Variants in MLLT3 observed in about 807,000 individuals in gnomAD.
MLLT3 encodes protein AF-9.
Under a neutral mutation model 53.2 loss-of-function variants are expected in MLLT3, and 4 were observed. The observed-to-expected ratio is 0.08, with a 90% confidence interval of 0.04 to 0.17. The LOEUF (loss-of-function observed/expected upper bound fraction) is 0.17. Among genes scored for constraint, MLLT3 ranks in the 10% least tolerant of loss-of-function variants. The pLI is 1.00. For missense variants in MLLT3, 569 were observed against 684.0 expected, an observed-to-expected ratio of 0.83 and a Z score of 1.87; for synonymous variants, 283 against 230.6, an observed-to-expected ratio of 1.23 and a Z score of -2.06.
At chr9:20,508,266 C>T (rs762017699) in intron 2 of MLLT3, among the ~76,000 whole-genome samples, 3 of 152,188 alleles carry the variant, frequency 2.0e-5, no homozygotes, top group Non-Finnish European at 2.9e-5. Flanking sequence ...ACCTCTCACC[C>T]CACATTCCGC....
In MLLT3 at chr9:20,414,357, G is replaced by GCTGCTGCTGCTGCTGCTGCTA. The variant is rs1341415259; in HGVS notation, c.468_488dup (p.Ser184_Ser190dup). ...TGCTGCTGCTGCTACTGCTGCTGCT[G>GCTGCTGCTGCTGCTGCTGCTA]CTGCTGCTGCTGCTGCTGCTACTGC... On this transcript the variant is annotated inframe_insertion, in exon 5 of 11. Coordinates refer to ENST00000380338, the MANE Select transcript of MLLT3 (RefSeq NM_004529.4). 28 of 1,603,652 alleles carry GCTGCTGCTGCTGCTGCTGCTA rather than the reference G, an allele frequency of 1.7e-5. No individual in the cohort carries two copies. The highest frequency in any genetic ancestry group is 5.4e-5 in the African/African-American group (4 of 74,600).
intron 2 of MLLT3, among the ~76,000 whole-genome samples, chr9:20,548,329 TGATGGCTCTC>T: frequency 6.6e-6 from 1 of 152,358 alleles, no homozygotes; most frequent in African/African-American, 2.4e-5. Flanking sequence ...ATTGCGTTTA[TGATGGCTCTC>T]GTAGTATCTA....
At chr9:20,428,139 A>G (rs7041793) in intron 4 of MLLT3, among the ~76,000 whole-genome samples, 24,313 of 152,052 alleles carry the variant, frequency 0.16, 3,315 homozygotes, top group East Asian at 0.66. Context: ...AAAACCCTAA[A>G]TCAGACTTAC....
chr9:20,489,435 T>A (rs1358901486), intron 2 of MLLT3, among the ~76,000 whole-genome samples: 1 of 152,104 alleles, frequency 6.6e-6, no homozygotes, highest in Non-Finnish European at 1.5e-5. Context: ...AAAGGGAGAT[T>A]TAGTCAGATT....
chr9:20,527,194 A>C (rs1185978059), intron 2 of MLLT3, among the ~76,000 whole-genome samples: 1 of 152,166 alleles, frequency 6.6e-6, no homozygotes. Flanking sequence ...TTGTGGACAG[A>C]GAAGAATATA....
intron 5 of MLLT3, among the ~76,000 whole-genome samples, chr9:20,380,881 C>A (rs553422653): frequency 6.6e-6 from 1 of 151,800 alleles, no homozygotes; most frequent in African/African-American, 2.4e-5. Flanking sequence ...ACTAAAAATG[C>A]GAAAGAAAGC....
Position 20,345,488 on chromosome 9 carries a change from C to T in MLLT3, c.*955G>A, listed in dbSNP as rs192218719. 4.9e-6 allele frequency: 1 copy of T among 202,618 alleles called. No homozygotes were observed. Among genetic ancestry groups the T allele is most frequent in the Non-Finnish European group, 1.0e-5 (1 of 99,178 alleles). 12.6% of individuals were successfully genotyped at this position (202,618 alleles called of 1,614,324 possible). A position where few individuals can be genotyped will look rare whatever the true frequency, so the allele number is the denominator to read the frequency against. ...CAGTTTTTTTTTTTAGAAAACAGGA[C>T]CAGAATTCTTTTTTTTTAAATGATG... On this transcript the variant is annotated 3_prime_UTR_variant, in exon 11 of 11. Coordinates refer to ENST00000380338, the MANE Select transcript of MLLT3 (RefSeq NM_004529.4).
At chr9:20,508,333 A>G (rs1324483477) in intron 2 of MLLT3, among the ~76,000 whole-genome samples, 1 of 152,270 alleles carries the variant, frequency 6.6e-6, no homozygotes, top group African/African-American at 2.4e-5. Flanking sequence ...TTTCACAAAC[A>G]CTCTGCATCA....
At chr9:20,588,893 T>C (rs957886031) in intron 2 of MLLT3, among the ~76,000 whole-genome samples, 50 of 151,882 alleles carry the variant, frequency 3.3e-4, no homozygotes, top group African/African-American at 1.2e-3. Flanking sequence ...AGATACCATC[T>C]CACACCAGTT....
chr9:20,502,384 T>C (rs1158149546), intron 2 of MLLT3: 1 of 153,042 alleles, frequency 6.5e-6, no homozygotes, highest in East Asian at 1.9e-4. Context: ...TGTAAGGAGC[T>C]GAATTCTACA....
intron 4 of MLLT3, among the ~76,000 whole-genome samples, chr9:20,441,103 T>G (rs1823538577): frequency 6.6e-6 from 1 of 152,304 alleles, no homozygotes; most frequent in Non-Finnish European, 1.5e-5. Flanking sequence ...CAGTCTTTGC[T>G]TAGTTTATGC....
Position 20,417,203 on chromosome 9 carries a change from A to T in MLLT3, c.421-2778T>A, listed in dbSNP as rs531953793. Reference sequence around the variant, plus strand: ...TATTTATATATATATATTATATATTATATATATATGGGGGTCTTGTCACCA... The same window carrying T: ...TATTTATATATATATATTATATATTTTATATATATGGGGGTCTTGTCACCA... On this transcript the variant is annotated intron_variant, in intron 4 of 10. Coordinates refer to ENST00000380338, the MANE Select transcript of MLLT3 (RefSeq NM_004529.4). Among the ~76,000 whole-genome samples the T allele has an allele frequency of 1.3e-4, 19 of 143,234 alleles. 1 individual carries two copies. Among genetic ancestry groups the T allele is most frequent in the Admixed American group, 6.4e-4 (9 of 14,120 alleles). 94.0% of individuals were successfully genotyped at this position (143,234 alleles called of 152,430 possible). A position where few individuals can be genotyped will look rare whatever the true frequency, so the allele number is the denominator to read the frequency against.
intron 2 of MLLT3, among the ~76,000 whole-genome samples, chr9:20,606,566 T>C (rs1820576756): frequency 6.6e-6 from 1 of 152,286 alleles, no homozygotes; most frequent in Middle Eastern, 3.4e-3. Context: ...AATTTTACTC[T>C]GCACCAATTT....
intron 2 of MLLT3, among the ~76,000 whole-genome samples, chr9:20,568,407 G>A (rs567473739): frequency 1.3e-5 from 2 of 152,252 alleles, no homozygotes; most frequent in African/African-American, 4.8e-5. Flanking sequence ...TCTTAATGGA[G>A]GGATTATGGA....
Position 20,346,319 on chromosome 9 carries a change from C to A in MLLT3, c.*124G>T. 2.1e-6 allele frequency: 2 copies of A among 970,118 alleles called. No individual in the cohort carries two copies. Among genetic ancestry groups the A allele is most frequent in the Non-Finnish European group, 2.9e-6 (2 of 687,672 alleles). 60.1% of individuals were successfully genotyped at this position (970,118 alleles called of 1,614,324 possible). A position where few individuals can be genotyped will look rare whatever the true frequency, so the allele number is the denominator to read the frequency against. ...AAGGTTGTTTGATTTTTATTTTTTC[C>A]CTTTTGGTTGCATCATTTTGAGTGT... is the stretch of plus-strand genomic sequence containing the variant. On this transcript the variant is annotated 3_prime_UTR_variant, in exon 11 of 11. Coordinates refer to ENST00000380338, the MANE Select transcript of MLLT3 (RefSeq NM_004529.4).
At chr9:20,548,759 T>C (rs1818852342) in intron 2 of MLLT3, among the ~76,000 whole-genome samples, 1 of 151,972 alleles carries the variant, frequency 6.6e-6, no homozygotes, top group African/African-American at 2.4e-5. Context: ...GAAAGACTGA[T>C]GGGCAATATT....
chr9:20,593,814 T>A (rs1820185434), intron 2 of MLLT3, among the ~76,000 whole-genome samples: 1 of 152,218 alleles, frequency 6.6e-6, no homozygotes. Flanking sequence ...AACAATTGCA[T>A]AATTCATAGA....
At chr9:20,611,826 G>A (rs1820711101) in intron 2 of MLLT3, among the ~76,000 whole-genome samples, 1 of 152,082 alleles carries the variant, frequency 6.6e-6, no homozygotes, top group African/African-American at 2.4e-5. Flanking sequence ...ATTAAGTCAT[G>A]CAACATTACT....
intron 4 of MLLT3, among the ~76,000 whole-genome samples, chr9:20,417,468 C>T (rs370528817): frequency 1.3e-5 from 2 of 151,064 alleles, no homozygotes; most frequent in South Asian, 4.2e-4. Context: ...TTAACCTCAA[C>T]GTTAAGTACC....
Sources: gnomAD v4.1 joint callset for allele counts (sites outside exome capture counted in the v4.1 genomes callset) on GRCh38, gnomAD v4.1.1 for gene constraint, MANE v1.5 for transcripts, NCBI Gene and HGNC (gene_info 2026-07-23, HGNC 2026-07-21) for gene names.